Variants in GSTA1 observed in about 807,000 individuals in gnomAD.
GSTA1 encodes the protein glutathione S-transferase alpha 1.
GSTA1 carries 23 observed loss-of-function variants against 21.5 expected under a neutral mutation model. The observed-to-expected ratio is 1.07, with a 90% CI of 0.77 to 1.52. The LOEUF (loss-of-function observed/expected upper bound fraction) is 1.52, where lower values mean the gene tolerates loss of function less well. GSTA1 is among the 40% of genes most tolerant of loss of function. The probability of loss-of-function intolerance (pLI) is 0.00; values close to 1 mark genes in which losing one functional copy is unlikely to be tolerated. For synonymous variants in GSTA1, 125 were observed against 90.0 expected (o/e 1.39, Z -2.20); for missense variants, 301 against 264.2 (o/e 1.14, Z -0.96).
At chr6:52,802,782 A>G (rs1763747574) in intron 1 of GSTA1, among the ~76,000 whole-genome samples, 2 of 152,230 alleles carry the variant, frequency 1.3e-5, no homozygotes, top group South Asian at 4.2e-4. Flanking sequence ...TGTTCATAGA[A>G]CTCGAGTAGG....
chr6:52,794,532 G>T (rs1328267189), intron 4 of GSTA1, among the ~76,000 whole-genome samples: 1 of 152,084 alleles, frequency 6.6e-6, no homozygotes, highest in East Asian at 1.9e-4. Context: ...AGTCATGAGA[G>T]AAATTGGCAG....
intron 3 of GSTA1, among the ~76,000 whole-genome samples, 175 bp from the exon 4 acceptor site, chr6:52,796,489 A>ATATATATATATG (rs1763589125): frequency 1.5e-4 from 2 of 13,082 alleles, no homozygotes; most frequent in African/African-American, 8.7e-4. Context: ...ATATATATAT[A>ATATATATATATG]TGTGTGTGTG....
At position 52,792,891 on chromosome 6, in the gene GSTA1, C is replaced by G. The variant is rs766656129; in HGVS notation, c.511G>C (p.Asp171His). The change falls in exon 6 of 7, where the codon GAC becomes CAC. Residue 171 changes from aspartate to histidine, a missense_variant. Coordinates refer to ENST00000334575, the MANE Select transcript of GSTA1 (RefSeq NM_145740.5). The part of the protein sequence containing the change: ...VELLYYVEEL[D>H]SSLISSFPLL... The stretch of plus-strand genomic sequence containing the variant: ...GGGAAGCTGGAGATAAGACTGGAGT[C>G]AAGCTCCTCGACGTAGTAGAGAAGT... The G allele has an allele frequency of 5.0e-6, 8 of 1,613,980 alleles. No homozygotes were observed. The Admixed American group carries it at 1.2e-4, about 24-fold the overall frequency.
chr6:52,791,708 G>A lies in GSTA1; in HGVS notation c.*150C>T, dbSNP rs923607472. 1.8e-5 allele frequency: 16 copies of A among 869,846 alleles called. No individual in the cohort carries two copies. The highest frequency in any genetic ancestry group is 7.6e-5 in the South Asian group (4 of 52,456). 53.9% of individuals were successfully genotyped at this position (869,846 alleles called of 1,614,324 possible). A position where few individuals can be genotyped will look rare whatever the true frequency, so the allele number is the denominator to read the frequency against. ...ACAAATCAATTTTAACTAAGTCAGCGAATAGGAGTTGTATTATTTAATTAG... is the reference window on the plus strand; with the variant it reads ...ACAAATCAATTTTAACTAAGTCAGCAAATAGGAGTTGTATTATTTAATTAG... On this transcript the variant is annotated 3_prime_UTR_variant, in exon 7 of 7. Coordinates refer to ENST00000334575, the MANE Select transcript of GSTA1 (RefSeq NM_145740.5).
At chr6:52,799,813 A>G (rs897217054) in intron 1 of GSTA1, among the ~76,000 whole-genome samples, 8 of 152,112 alleles carry the variant, frequency 5.3e-5, no homozygotes, top group African/African-American at 1.9e-4. Flanking sequence ...AAATGAAGTC[A>G]CTCCTGGAAG....
intron 4 of GSTA1, among the ~76,000 whole-genome samples, chr6:52,794,900 AC>A (rs1435975260): frequency 6.6e-6 from 1 of 152,130 alleles, no homozygotes; most frequent in East Asian, 1.9e-4. Flanking sequence ...ACCAGTGCAA[AC>A]TTTTCTTCTT....
At chr6:52,803,242 G>T (rs546284168) in intron 1 of GSTA1, among the ~76,000 whole-genome samples, 1 of 152,200 alleles carries the variant, frequency 6.6e-6, no homozygotes, top group African/African-American at 2.4e-5. Flanking sequence ...CTCTATATTG[G>T]CCATGAGTTG....
At chr6:52,801,128 G>T (rs969175891) in intron 1 of GSTA1, among the ~76,000 whole-genome samples, 1 of 152,088 alleles carries the variant, frequency 6.6e-6, no homozygotes, top group African/African-American at 2.4e-5. Context: ...TGATCCACTC[G>T]CCTCAGCCTC....
At chr6:52,799,099 C>A (rs1245844379) in intron 2 of GSTA1, 82 bp downstream of exon 2, 4 of 1,295,928 alleles carry the variant, frequency 3.1e-6, no homozygotes, top group Non-Finnish European at 3.4e-6. Context: ...CTTCAGTAAG[C>A]AACATCTCAT....
intron 3 of GSTA1, 33 bp downstream of exon 3, chr6:52,797,553 C>A (rs746956003): frequency 6.4e-7 from 1 of 1,552,978 alleles, no homozygotes; most frequent in Non-Finnish European, 8.9e-7. Flanking sequence ...CTACTAGATA[C>A]CCTCATCAGA....
In GSTA1 at chr6:52,793,201, C is replaced by G. The variant is rs111451466; in HGVS notation, c.415-214G>C. ...CAGTTGTAGCTCAGGCTCCCATTTT[C>G]TCTTCTCATTCTACATCACTGTGGC... On this transcript the variant is annotated intron_variant, in intron 5 of 6. Transcript: ENST00000334575. Among the ~76,000 whole-genome samples the G allele has an allele frequency of 2.9e-3, 441 of 152,096 alleles. 2 individuals carry two copies. The highest frequency in any genetic ancestry group is 0.01 in the African/African-American group (425 of 41,472).
At chr6:52,793,971 C>T (rs141843467) in intron 5 of GSTA1, among the ~76,000 whole-genome samples, 154 bp downstream of exon 5, 1 of 152,296 alleles carries the variant, frequency 6.6e-6, no homozygotes, top group African/African-American at 2.4e-5. Flanking sequence ...TTCTCCAAGT[C>T]TATTTTCATA....
intron 1 of GSTA1, among the ~76,000 whole-genome samples, chr6:52,803,367 G>A (rs1298535659): frequency 6.6e-6 from 1 of 152,182 alleles, no homozygotes; most frequent in Middle Eastern, 3.4e-3. Flanking sequence ...TACTAAACCT[G>A]AGTTTTGTAT....
Position 52,791,494 on chromosome 6 carries a change from T to A in GSTA1, c.*364A>T, listed in dbSNP as rs1361752228. ...CTTCTCCTGTGCATACCTGAAAATG[T>A]CAGAAGTGCATTTCTACATTGACAT... On this transcript the variant is annotated 3_prime_UTR_variant, in exon 7 of 7. Coordinates refer to ENST00000334575, the MANE Select transcript of GSTA1 (RefSeq NM_145740.5). 6.6e-6 allele frequency among the ~76,000 whole-genome samples: 1 copy of A among 152,226 alleles called. No individual in the cohort carries two copies. Among genetic ancestry groups the A allele is most frequent in the Non-Finnish European group, 1.5e-5 (1 of 68,038 alleles).
rs200960381 is a variant in GSTA1 at position 52,792,986 on chromosome 6, A to T, written c.416T>A (p.Val139Asp). The change falls in exon 6 of 7, where the codon GTC becomes GAC. Residue 139 changes from valine (V) to aspartate (D), a missense_variant and splice_region_variant. Transcript: ENST00000334575. ...KNRYFPAFEK[V>D]LKSHGQDYLV... is the part of the protein sequence containing the mutation. ...GTAGTCTTGTCCATGGCTCTTTAAGACCTGGAGAATGGGAGGAATCAGATC... is the reference window on the plus strand; with the variant it reads ...GTAGTCTTGTCCATGGCTCTTTAAGTCCTGGAGAATGGGAGGAATCAGATC... The T allele has an allele frequency of 1.2e-6, 2 of 1,613,860 alleles. No homozygotes were observed. Among genetic ancestry groups the T allele is most frequent in the African/African-American group, 2.7e-5 (2 of 74,860 alleles).
Position 52,800,472 on chromosome 6 carries a change from G to C in GSTA1, c.-30-1175C>G, listed in dbSNP as rs188454918. 2.5e-3 allele frequency among the ~76,000 whole-genome samples: 381 copies of C among 152,362 alleles called. 2 individuals are homozygous for C. The highest frequency in any genetic ancestry group is 0.017 in the Middle Eastern group (5 of 294). ...ACATGTTGAAAGGTAAGTAATGTTT[G>C]ATGAGTTGTTAGTTTCAGTTATTTG... On this transcript the variant is annotated intron_variant, in intron 1 of 6. Coordinates refer to ENST00000334575, the MANE Select transcript of GSTA1 (RefSeq NM_145740.5).
chr6:52,802,978 C>CT (rs1763750967), intron 1 of GSTA1, among the ~76,000 whole-genome samples: 1 of 152,110 alleles, frequency 6.6e-6, no homozygotes, highest in Non-Finnish European at 1.5e-5. Flanking sequence ...CACAGCCTTG[C>CT]TTAGCCCCAT....
intron 6 of GSTA1, 199 bp downstream of exon 6, chr6:52,792,657 G>A: frequency 7.4e-7 from 1 of 1,353,690 alleles, no homozygotes; most frequent in Non-Finnish European, 9.9e-7. Context: ...TTGTGGGGTA[G>A]CATGCAGCAC....
At chr6:52,798,724 T>C (rs566206161) in intron 2 of GSTA1, among the ~76,000 whole-genome samples, 183 of 143,414 alleles carry the variant, frequency 1.3e-3, no homozygotes, top group Middle Eastern at 3.8e-3. Flanking sequence ...TCTCCTCTTG[T>C]AATAATTCCA....
Sources: gnomAD v4.1 joint callset for allele counts (sites outside exome capture counted in the v4.1 genomes callset) on GRCh38, gnomAD v4.1.1 for gene constraint, MANE v1.5 for transcripts, NCBI Gene and HGNC (gene_info 2026-07-23, HGNC 2026-07-21) for gene names.